Variants in TTLL11 observed in about 807,000 individuals in gnomAD.
TTLL11 encodes tubulin tyrosine ligase like 11, also known as tubulin polyglutamylase TTLL11.
TTLL11 carries 42 observed loss-of-function variants against 51.7 expected under a neutral mutation model. The observed-to-expected ratio is 0.81, with a 90% CI of 0.64 to 1.05. TTLL11 has a LOEUF of 1.05. Ranked by LOEUF, TTLL11 falls within the 50% of genes least tolerant of loss-of-function variation. The pLI, the probability that TTLL11 is intolerant of heterozygous loss-of-function variation, is 0.00. For synonymous variants in TTLL11, 381 were observed against 383.5 expected, an observed-to-expected ratio of 0.99 and a Z score of 0.08; for missense variants, 799 against 940.4, an observed-to-expected ratio of 0.85 and a Z score of 1.97.
At chr9:121,917,485 G>C (rs1468503575) in intron 6 of TTLL11, among the ~76,000 whole-genome samples, 1 of 140,860 alleles carries the variant, frequency 7.1e-6, no homozygotes, top group African/African-American at 2.6e-5. Context: ...AGAAAGAAAA[G>C]AAAAGGAAAG....
At chr9:122,043,011 A>T (rs1844888294) in intron 1 of TTLL11, among the ~76,000 whole-genome samples, 1 of 152,244 alleles carries the variant, frequency 6.6e-6, no homozygotes, top group Non-Finnish European at 1.5e-5. Flanking sequence ...CTATAATGGT[A>T]GATACATGTC....
intron 6 of TTLL11, among the ~76,000 whole-genome samples, chr9:121,919,870 A>AG: frequency 6.6e-6 from 1 of 151,074 alleles, no homozygotes; most frequent in Admixed American, 6.6e-5. Context: ...AAAAAAAAAA[A>AG]GGAAATATCC....
intron 6 of TTLL11, among the ~76,000 whole-genome samples, chr9:121,887,145 T>C (rs996589365): frequency 2.6e-5 from 4 of 152,196 alleles, no homozygotes; most frequent in African/African-American, 4.8e-5. Flanking sequence ...TTTTCCTACA[T>C]ACAGCCATGA....
In TTLL11 at chr9:121,989,695, C is replaced by A; in HGVS notation, c.769G>T (p.Asp257Tyr). 6.2e-7 allele frequency: 1 copy of A among 1,613,838 alleles called. No individual in the cohort carries two copies. Among genetic ancestry groups the A allele is most frequent in the Non-Finnish European group, 8.5e-7 (1 of 1,179,786 alleles). ...GGGTCTTTAATGAGGTAGATTCCAT[C>A]ACCCTGACAACCACCATCAGGTTTC... ...IVKPDGGCQG[D>Y]GIYLIKDPSD... Residue 257 changes from aspartate to tyrosine, a missense_variant, in exon 4 of 9, where the codon GAT (aspartate) becomes TAT (tyrosine). Physicochemically the swap from Asp to Tyr is radical, Grantham distance 160. Transcript: ENST00000321582. The surrounding 1 kb of genome is among the most constrained non-coding windows in gnomAD (Gnocchi z 4.2).
chr9:121,919,668 G>A (rs1840452010), intron 6 of TTLL11, among the ~76,000 whole-genome samples: 2 of 152,102 alleles, frequency 1.3e-5, no homozygotes, highest in African/African-American at 4.8e-5. Context: ...GGGCCCAAGA[G>A]AAATTTCCCC....
At chr9:121,904,344 T>C (rs1839863956) in intron 6 of TTLL11, among the ~76,000 whole-genome samples, 1 of 152,048 alleles carries the variant, frequency 6.6e-6, no homozygotes, top group Admixed American at 6.5e-5. Context: ...GCCCAGCTAA[T>C]TTTTGTATTT....
At chr9:121,833,907 G>C (rs1176398943) in intron 8 of TTLL11, among the ~76,000 whole-genome samples, 2 of 152,118 alleles carry the variant, frequency 1.3e-5, no homozygotes, top group African/African-American at 2.4e-5. Flanking sequence ...GGATTGGGGT[G>C]CTTAAACAGA....
chr9:121,953,620 A>G (rs7872038), intron 6 of TTLL11, among the ~76,000 whole-genome samples: 23 of 140,564 alleles, frequency 1.6e-4, no homozygotes, highest in African/African-American at 5.9e-4. Context: ...GTGACAGAGC[A>G]AGATGCCGCC....
intron 6 of TTLL11, among the ~76,000 whole-genome samples, chr9:121,889,912 G>A (rs1359903001): frequency 6.6e-6 from 1 of 151,798 alleles, no homozygotes; most frequent in East Asian, 1.9e-4. Context: ...GCGGGGCGGG[G>A]GGGGAGGTGA....
At position 121,989,546 on chromosome 9, in the gene TTLL11, G is replaced by A; in HGVS notation, c.918C>T (p.Ser306=). Residue 306 remains serine, a synonymous_variant, in exon 4 of 9, where the codon TCC becomes TCT. Transcript: ENST00000321582. This position sits in a 1 kb window ranked among gnomAD's most constrained non-coding sequence, Gnocchi z 4.2. ...CTATATAAATCTCTAAGGGGTCTAA[G>A]GACTTGAGTAAGACATACAGACGAA... ...FDIRLYVLLK[S]LDPLEIYIAK... is the part of the protein sequence containing the mutation. 6.2e-7 allele frequency: 1 copy of A among 1,614,150 alleles called. No individual in the cohort carries two copies. Among genetic ancestry groups the A allele is most frequent in the Non-Finnish European group, 8.5e-7 (1 of 1,180,036 alleles).
chr9:121,908,791 C>G (rs751077253), intron 6 of TTLL11, among the ~76,000 whole-genome samples: 35 of 152,208 alleles, frequency 2.3e-4, no homozygotes, highest in Non-Finnish European at 4.1e-4. Flanking sequence ...TCTTCTCTCT[C>G]TGTGTGTCTG....
intron 1 of TTLL11, among the ~76,000 whole-genome samples, chr9:122,055,030 G>A (rs189498803): frequency 3.7e-4 from 56 of 152,260 alleles, no homozygotes; most frequent in Admixed American, 3.3e-3. Flanking sequence ...CCATGGTGTT[G>A]CCGGTCCATA....
chr9:122,092,345 C>A (rs1362890522), intron 1 of TTLL11, among the ~76,000 whole-genome samples: 4 of 152,114 alleles, frequency 2.6e-5, no homozygotes, highest in Admixed American at 6.5e-5. Flanking sequence ...GAGAGCGGGT[C>A]CGGGGCCCCA....
chr9:121,973,683 T>C (rs915211536), intron 6 of TTLL11, among the ~76,000 whole-genome samples: 4 of 152,150 alleles, frequency 2.6e-5, no homozygotes, highest in Non-Finnish European at 5.9e-5. Flanking sequence ...ACATGGCACA[T>C]GTATACATAT....
chr9:121,969,981 C>T (rs1353254123), intron 6 of TTLL11, among the ~76,000 whole-genome samples: 1 of 152,082 alleles, frequency 6.6e-6, no homozygotes, highest in Non-Finnish European at 1.5e-5. Context: ...TTATGGATTA[C>T]AAAGTACTTT....
chr9:121,873,967 C>T (rs1356519434), intron 6 of TTLL11, among the ~76,000 whole-genome samples: 1 of 151,178 alleles, frequency 6.6e-6, no homozygotes, highest in Non-Finnish European at 1.5e-5. Context: ...GTCTCAGCCT[C>T]CTGAGTAGCT....
At chr9:121,903,025 T>C (rs1416607792) in intron 6 of TTLL11, among the ~76,000 whole-genome samples, 2 of 152,138 alleles carry the variant, frequency 1.3e-5, no homozygotes, top group African/African-American at 4.8e-5. Flanking sequence ...ATGACTACTG[T>C]AACCACATTT....
At chr9:121,949,757 T>G (rs576888105) in intron 6 of TTLL11, among the ~76,000 whole-genome samples, 1 of 152,168 alleles carries the variant, frequency 6.6e-6, no homozygotes, top group South Asian at 2.1e-4. Flanking sequence ...TTGCAAATAT[T>G]CATTAAAAAA....
rs559030569 is a variant in TTLL11 at position 122,053,315 on chromosome 9, G to A, written c.463-13947C>T. On this transcript the variant is annotated intron_variant, in intron 1 of 8. Coordinates refer to ENST00000321582, the MANE Select transcript of TTLL11 (RefSeq NM_001139442.2). ...TTAACCAAGGAGGGGCCACTGGAGC[G>A]GGGCGTGAAGTAGGCCTTCGCAAAG... is the stretch of plus-strand genomic sequence containing the variant. 1.5e-4 allele frequency among the ~76,000 whole-genome samples: 23 copies of A among 152,244 alleles called. No homozygotes were observed. The South Asian group carries it at 2.3e-3, about 15-fold the overall frequency.
Sources: gnomAD v4.1 joint callset for allele counts (sites outside exome capture counted in the v4.1 genomes callset) on GRCh38, gnomAD v4.1.1 for gene constraint, Gnocchi (gnomAD v3.1) non-coding constraint, MANE v1.5 for transcripts, NCBI Gene and HGNC (gene_info 2026-07-23, HGNC 2026-07-21) for gene names.